SKAP1: variants seen among roughly 807,000 people sequenced by gnomAD.
SKAP1 encodes src kinase associated phosphoprotein 1, also known as src kinase-associated phosphoprotein 1.
SKAP1 carries 44 observed loss-of-function variants against 58.5 expected under a neutral mutation model. The ratio of observed to expected loss-of-function variants is 0.75; its 90% CI spans 0.59 to 0.97. The LOEUF (loss-of-function observed/expected upper bound fraction) is 0.97, where lower values mean the gene tolerates loss of function less well. Ranked by LOEUF, SKAP1 falls within the 50% of genes least tolerant of loss-of-function variation. SKAP1 has a pLI of 0.00. For missense variants in SKAP1, 390 were observed against 435.2 expected (o/e 0.90, Z 0.92); for synonymous variants, 127 against 149.7 (o/e 0.85, Z 1.11).
chr17:48,171,102 T>TTTG (rs1414819289), intron 9 of SKAP1, among the ~76,000 whole-genome samples: 1 of 145,434 alleles, frequency 6.9e-6, no homozygotes, highest in African/African-American at 2.5e-5. Context: ...TGTTTTTTTT[T>TTTG]TTTTTTTTTT....
At chr17:48,395,786 A>G (rs1308982261) in intron 2 of SKAP1, among the ~76,000 whole-genome samples, 4 of 152,194 alleles carry the variant, frequency 2.6e-5, no homozygotes, top group African/African-American at 9.6e-5. Context: ...AGGGCATCTC[A>G]TGAGGTTCTC....
intron 4 of SKAP1, among the ~76,000 whole-genome samples, chr17:48,293,064 T>A (rs987846776): frequency 6.6e-6 from 1 of 152,196 alleles, no homozygotes; most frequent in African/African-American, 2.4e-5. Flanking sequence ...AAAGACACAT[T>A]CATAAAAAAT....
intron 4 of SKAP1, among the ~76,000 whole-genome samples, chr17:48,226,797 G>A (rs1598444775): frequency 2.0e-5 from 3 of 152,240 alleles, no homozygotes; most frequent in African/African-American, 7.2e-5. Context: ...AGTCTGCATG[G>A]TAAACTTGAT....
intron 4 of SKAP1, among the ~76,000 whole-genome samples, chr17:48,212,533 A>C (rs1001575327): frequency 6.6e-6 from 1 of 152,200 alleles, no homozygotes; most frequent in Non-Finnish European, 1.5e-5. Flanking sequence ...TTCACACCCA[A>C]ATTTGCTTAG....
At chr17:48,207,805 T>C (rs1263937227) in intron 4 of SKAP1, among the ~76,000 whole-genome samples, 3 of 152,194 alleles carry the variant, frequency 2.0e-5, no homozygotes, top group Non-Finnish European at 4.4e-5. Flanking sequence ...TATTATTGTA[T>C]TACTGGGCAT....
At chr17:48,374,401 TCA>T (rs2067127918) in intron 2 of SKAP1, among the ~76,000 whole-genome samples, 1 of 152,174 alleles carries the variant, frequency 6.6e-6, no homozygotes, top group Non-Finnish European at 1.5e-5. Flanking sequence ...TCTGCAATAC[TCA>T]GTGTCCAAAG....
intron 3 of SKAP1, among the ~76,000 whole-genome samples, chr17:48,348,990 T>C (rs538300827): frequency 2.2e-4 from 33 of 152,302 alleles, no homozygotes; most frequent in African/African-American, 7.9e-4. Context: ...CCAAGTGCAA[T>C]TAGTTCCTGA....
At chr17:48,262,250 G>A (rs2123344) in intron 4 of SKAP1, among the ~76,000 whole-genome samples, 67,099 of 151,908 alleles carry the variant, frequency 0.44, 15,042 homozygotes, top group South Asian at 0.61. Flanking sequence ...GTCCAAGTTC[G>A]GCCTCAAACC....
intron 4 of SKAP1, among the ~76,000 whole-genome samples, chr17:48,338,228 C>T (rs2066601994): frequency 6.6e-6 from 1 of 151,864 alleles, no homozygotes; most frequent in Non-Finnish European, 1.5e-5. Context: ...TGGCTCACTG[C>T]AACCTCTGCC....
chr17:48,414,512 A>T (rs1466678093), intron 1 of SKAP1, among the ~76,000 whole-genome samples: 1 of 152,216 alleles, frequency 6.6e-6, no homozygotes, highest in Non-Finnish European at 1.5e-5. Flanking sequence ...ACAGTATTTT[A>T]TACTAAAAGT....
chr17:48,212,295 A>G (rs1332250592), intron 4 of SKAP1, among the ~76,000 whole-genome samples: 2 of 152,146 alleles, frequency 1.3e-5, no homozygotes, highest in Non-Finnish European at 2.9e-5. Context: ...AGAGGCCTCA[A>G]ATAAATGAAG....
chr17:48,274,058 G>T (rs1016860460), intron 4 of SKAP1, among the ~76,000 whole-genome samples: 4 of 152,064 alleles, frequency 2.6e-5, no homozygotes, highest in African/African-American at 9.7e-5. Flanking sequence ...TGAGTAGGTA[G>T]GTCAATAGGC....
At chr17:48,190,479 C>T (rs73322881) in intron 4 of SKAP1, among the ~76,000 whole-genome samples, 24,421 of 152,078 alleles carry the variant, frequency 0.16, 2,661 homozygotes, top group African/African-American at 0.3. Flanking sequence ...AATCAAAAGT[C>T]AAATGAATAG....
At chr17:48,138,645 C>A (rs548560746) in intron 11 of SKAP1, among the ~76,000 whole-genome samples, 104 of 152,206 alleles carry the variant, frequency 6.8e-4, no homozygotes, top group African/African-American at 2.5e-3. Context: ...GCTGGGATTA[C>A]AAGCGTGAGC....
At chr17:48,198,954 C>T (rs1464038675) in intron 4 of SKAP1, among the ~76,000 whole-genome samples, 1 of 152,172 alleles carries the variant, frequency 6.6e-6, no homozygotes, top group Non-Finnish European at 1.5e-5. Context: ...TTTTAAAATG[C>T]CACATTGTCT....
intron 6 of SKAP1, among the ~76,000 whole-genome samples, chr17:48,187,514 T>C (rs2064473734): frequency 6.6e-6 from 1 of 152,236 alleles, no homozygotes; most frequent in African/African-American, 2.4e-5. Context: ...AGCTATGGTA[T>C]TGATGCCTGT....
chr17:48,264,154 T>C (rs1298402166), intron 4 of SKAP1, among the ~76,000 whole-genome samples: 1 of 150,642 alleles, frequency 6.6e-6, no homozygotes, highest in Admixed American at 6.6e-5. Context: ...ATGGTTAAAA[T>C]TGATTTTTTG....
intron 4 of SKAP1, among the ~76,000 whole-genome samples, chr17:48,271,782 C>T (rs2065636470): frequency 6.6e-6 from 1 of 152,078 alleles, no homozygotes; most frequent in African/African-American, 2.4e-5. Flanking sequence ...TCTGATTTGA[C>T]TTGGGTGAGG....
At chr17:48,376,949 G>A (rs534538998) in intron 2 of SKAP1, among the ~76,000 whole-genome samples, 55 of 152,292 alleles carry the variant, frequency 3.6e-4, no homozygotes, top group African/African-American at 1.3e-3. Flanking sequence ...TCGGGTCACA[G>A]AGAGGCCAGG....
Sources: gnomAD v4.1 joint callset for allele counts (sites outside exome capture counted in the v4.1 genomes callset) on GRCh38, gnomAD v4.1.1 for gene constraint, MANE v1.5 for transcripts, NCBI Gene and HGNC (gene_info 2026-07-23, HGNC 2026-07-21) for gene names.